The following CAMK2B variants were observed in gnomAD, a reference collection of about 807,000 sequenced individuals.
CAMK2B encodes calcium/calmodulin-dependent protein kinase type II subunit beta.
CAMK2B carries 27 observed loss-of-function variants against 93.7 expected under a neutral mutation model. The observed-to-expected ratio is 0.29, with a 90% CI of 0.21 to 0.40. The LOEUF (loss-of-function observed/expected upper bound fraction) is 0.40. Among genes scored for constraint, CAMK2B ranks in the 10% least tolerant of loss-of-function variants. The probability of loss-of-function intolerance (pLI) is 1.00; values close to 1 mark genes in which losing one functional copy is unlikely to be tolerated. For synonymous variants in CAMK2B, 374 were observed against 358.8 expected (o/e 1.04, Z -0.48); for missense variants, 568 against 895.8 (o/e 0.63, Z 4.67).
chr7:44,232,927 G>A (rs191697364), intron 15 of CAMK2B, 61 bp from the exon 16 acceptor site: 130 of 1,477,170 alleles, frequency 8.8e-5, no homozygotes, highest in Admixed American at 6.7e-4. Context: ...AGGAGGAAGC[G>A]GAGACCACCA....
intron 3 of CAMK2B, among the ~76,000 whole-genome samples, chr7:44,260,204 GCC>G (rs36109083): frequency 0.32 from 47,934 of 151,940 alleles, 8,092 homozygotes; most frequent in Non-Finnish European, 0.38. Flanking sequence ...GGCACAAGCA[GCC>G]CCCCTTCCTT....
intron 2 of CAMK2B, among the ~76,000 whole-genome samples, chr7:44,263,435 C>T (rs1298756360): frequency 2.6e-5 from 4 of 152,090 alleles, no homozygotes; most frequent in African/African-American, 9.7e-5. Context: ...TCTTCCGAGG[C>T]AGGGGAGGGG....
Position 44,271,682 on chromosome 7 carries a change from C to A in CAMK2B, c.161-8618G>T, listed in dbSNP as rs1446940729. ...GGGACGAAGGAGTGGCTTCCAGCAGCCCCTCTCCTCTGACTCTCCTCCCTG... is the reference window on the plus strand; with the variant it reads ...GGGACGAAGGAGTGGCTTCCAGCAGACCCTCTCCTCTGACTCTCCTCCCTG... On this transcript the variant is annotated intron_variant, in intron 2 of 23. Coordinates refer to ENST00000395749, the MANE Select transcript of CAMK2B (RefSeq NM_001220.5). The surrounding 1 kb of genome is among the most constrained non-coding windows in gnomAD (Gnocchi z 4.2). Among the ~76,000 whole-genome samples, 2 of 152,224 alleles carry A rather than the reference C, an allele frequency of 1.3e-5. No individual in the cohort carries two copies. Among genetic ancestry groups the A allele is most frequent in the African/African-American group, 2.4e-5 (1 of 41,456 alleles).
intron 12 of CAMK2B, among the ~76,000 whole-genome samples, chr7:44,240,242 C>G (rs2096664917): frequency 6.6e-6 from 1 of 152,166 alleles, no homozygotes; most frequent in African/African-American, 2.4e-5. Context: ...CAACCACCCA[C>G]CCTGAGCAGC....
At chr7:44,268,165 C>A (rs951952790) in intron 2 of CAMK2B, 1 of 152,332 alleles carries the variant, frequency 6.6e-6, no homozygotes, top group African/African-American at 2.4e-5. Context: ...CATCCCAGGA[C>A]GCCGAAGACG....
chr7:44,249,315 G>A (rs756603699), intron 5 of CAMK2B, among the ~76,000 whole-genome samples: 1 of 152,164 alleles, frequency 6.6e-6, no homozygotes, highest in Non-Finnish European at 1.5e-5. Context: ...TGCAAGACGG[G>A]AAGCCTGGGA....
At chr7:44,235,898 G>A (rs78484552) in intron 13 of CAMK2B, among the ~76,000 whole-genome samples, 15 of 152,208 alleles carry the variant, frequency 9.9e-5, no homozygotes, top group East Asian at 1.9e-4. Context: ...TGGGGATCCC[G>A]TGCTGCCCAT....
intron 1 of CAMK2B, among the ~76,000 whole-genome samples, chr7:44,306,148 G>C (rs944889010): frequency 6.6e-6 from 1 of 151,970 alleles, no homozygotes. Context: ...AGGAGAGGGG[G>C]TGAGCACTCT....
intron 1 of CAMK2B, among the ~76,000 whole-genome samples, chr7:44,323,320 T>C (rs960876742): frequency 1.3e-5 from 2 of 152,144 alleles, no homozygotes; most frequent in African/African-American, 4.8e-5. Flanking sequence ...AATGCATGGC[T>C]CCCAGTGCTT....
chr7:44,229,085 C>A, intron 18 of CAMK2B, 161 bp from the exon 19 acceptor site: 1 of 750,448 alleles, frequency 1.3e-6, no homozygotes, highest in Non-Finnish European at 2.3e-6. Flanking sequence ...AGCCCCCCCG[C>A]CCGCAAGCTG....
At chr7:44,313,518 C>CCAGACATGGGGTGAGGCT (rs1554467110) in intron 1 of CAMK2B, among the ~76,000 whole-genome samples, 1 of 151,358 alleles carries the variant, frequency 6.6e-6, no homozygotes, top group East Asian at 2.0e-4. Flanking sequence ...GAGGTGAGGC[C>CCAGACATGGGGTGAGGCT]CAGACGTGGG....
At chr7:44,236,079 G>A (rs2096623186) in intron 13 of CAMK2B, among the ~76,000 whole-genome samples, 1 of 152,248 alleles carries the variant, frequency 6.6e-6, no homozygotes, top group African/African-American at 2.4e-5. Flanking sequence ...CTTCTGCAGG[G>A]CTGGACATCT....
chr7:44,268,369 C>T (rs1161389185), intron 2 of CAMK2B, among the ~76,000 whole-genome samples: 1 of 152,192 alleles, frequency 6.6e-6, no homozygotes, highest in Non-Finnish European at 1.5e-5. Flanking sequence ...CAGATGCTGG[C>T]TGTGGGGGCA....
intron 2 of CAMK2B, among the ~76,000 whole-genome samples, chr7:44,266,454 T>G (rs1283430212): frequency 6.6e-6 from 1 of 152,250 alleles, no homozygotes; most frequent in Non-Finnish European, 1.5e-5. Context: ...AAATGTGCCC[T>G]GGCCCTAAAC....
intron 1 of CAMK2B, among the ~76,000 whole-genome samples, chr7:44,293,817 C>T (rs1218647258): frequency 6.6e-6 from 1 of 152,094 alleles, no homozygotes; most frequent in Non-Finnish European, 1.5e-5. Context: ...AGTACTGGTC[C>T]GTGGCCTGAG....
chr7:44,317,757 C>T (rs914671862), intron 1 of CAMK2B, among the ~76,000 whole-genome samples: 9 of 151,824 alleles, frequency 5.9e-5, no homozygotes, highest in Non-Finnish European at 8.8e-5. Flanking sequence ...ATGGGGTGGG[C>T]GGTGGGGTAG....
chr7:44,263,360 T>C (rs768131650), intron 2 of CAMK2B, among the ~76,000 whole-genome samples: 2 of 152,250 alleles, frequency 1.3e-5, no homozygotes, highest in Non-Finnish European at 2.9e-5. Flanking sequence ...GTGCACTGAT[T>C]TAGTCCTCCA....
intron 1 of CAMK2B, among the ~76,000 whole-genome samples, chr7:44,292,541 T>C (rs1438075633): frequency 6.6e-6 from 1 of 152,238 alleles, no homozygotes; most frequent in Non-Finnish European, 1.5e-5. Context: ...AAAGGGGTTC[T>C]GTGAGAAAAG....
chr7:44,258,739 C>T, intron 4 of CAMK2B, 133 bp downstream of exon 4: 1 of 756,842 alleles, frequency 1.3e-6, no homozygotes, highest in Non-Finnish European at 2.3e-6. Flanking sequence ...AGGGGACCAG[C>T]AGCAGAAGCA....
Sources: allele counts gnomAD v4.1 joint callset (sites outside exome capture counted in the v4.1 genomes callset), GRCh38; gene constraint gnomAD v4.1.1; non-coding constraint Gnocchi (gnomAD v3.1); transcripts MANE v1.5; gene names NCBI Gene and HGNC (gene_info 2026-07-23, HGNC 2026-07-21).